The following CLCN3 variants were observed in gnomAD, a reference collection of about 807,000 sequenced individuals.
CLCN3 encodes the protein Cl-/H+ antiporter 3.
CLCN3 carries 16 observed loss-of-function variants against 83.4 expected under a neutral mutation model. The ratio of observed to expected loss-of-function variants is 0.19; its 90% confidence interval spans 0.13 to 0.29. CLCN3 has a LOEUF of 0.29. CLCN3 is among the 10% of genes least tolerant of loss of function. The pLI, the probability that CLCN3 is intolerant of heterozygous loss-of-function variation, is 1.00. For missense variants in CLCN3, 544 were observed against 1,006.0 expected (o/e 0.54, Z 6.21); for synonymous variants, 322 against 346.2 (o/e 0.93, Z 0.78).
Position 169,701,020 on chromosome 4 carries a change from C to T in CLCN3, c.1564-2978C>T, listed in dbSNP as rs572085663. ...CAGTGAAATTTGCCGCATTGATTGA[C>T]ACTGCCTTTCATGAAAGATTTCTCT... is the stretch of plus-strand genomic sequence containing the variant. On this transcript the variant is annotated intron_variant, in intron 9 of 12. Coordinates refer to ENST00000513761, the MANE Select transcript of CLCN3 (RefSeq NM_001829.4). Among the ~76,000 whole-genome samples the T allele has an allele frequency of 3.3e-5, 5 of 151,874 alleles. No homozygotes were observed. The South Asian group carries it at 1.0e-3, about 32-fold the overall frequency.
At chr4:169,715,129 G>A (rs1038445116) in intron 12 of CLCN3, among the ~76,000 whole-genome samples, 9 of 152,082 alleles carry the variant, frequency 5.9e-5, no homozygotes, top group South Asian at 2.1e-4. Flanking sequence ...GTTGAGTTAT[G>A]GTTAACTATG....
chr4:169,714,915 C>T (rs959122404), intron 12 of CLCN3, among the ~76,000 whole-genome samples: 8 of 151,940 alleles, frequency 5.3e-5, no homozygotes, highest in African/African-American at 1.4e-4. Flanking sequence ...ATGATGGCAC[C>T]GACTTCATTA....
At chr4:169,709,471 G>A (rs1050223605) in intron 11 of CLCN3, among the ~76,000 whole-genome samples, 115 of 152,036 alleles carry the variant, frequency 7.6e-4, no homozygotes, top group East Asian at 1.5e-3. Flanking sequence ...ATCACTTGAG[G>A]CCAGGAGTTT....
chr4:169,711,077 C>T (rs1039049381), intron 11 of CLCN3, among the ~76,000 whole-genome samples: 2 of 152,234 alleles, frequency 1.3e-5, no homozygotes, highest in East Asian at 1.9e-4. Context: ...AGTTTTAGAG[C>T]GTTATGAATT....
chr4:169,668,994 C>T (rs1339239134), intron 2 of CLCN3, among the ~76,000 whole-genome samples: 1 of 151,922 alleles, frequency 6.6e-6, no homozygotes, highest in Non-Finnish European at 1.5e-5. Flanking sequence ...GATACCTTCA[C>T]CAGGACTGCA....
chr4:169,661,317 A>G (rs10520160), intron 2 of CLCN3, among the ~76,000 whole-genome samples: 3,101 of 152,276 alleles, frequency 0.02, 47 homozygotes, highest in Non-Finnish European at 0.031. Flanking sequence ...ATTAGTTTGA[A>G]TTACTGCATG....
At chr4:169,679,971 TAATG>T in intron 2 of CLCN3, 75 bp from the exon 3 acceptor site, 1 of 1,105,970 alleles carries the variant, frequency 9.0e-7, no homozygotes, top group Admixed American at 1.8e-5. Flanking sequence ...TATGACTTAA[TAATG>T]AATTTCTAAG....
intron 1 of CLCN3, among the ~76,000 whole-genome samples, chr4:169,635,544 A>G (rs1345761991): frequency 6.6e-6 from 1 of 152,156 alleles, no homozygotes; most frequent in Non-Finnish European, 1.5e-5. Context: ...AAAATATTCA[A>G]AAGGGGCAGT....
intron 2 of CLCN3, among the ~76,000 whole-genome samples, chr4:169,666,281 A>G (rs567548783): frequency 6.6e-6 from 1 of 152,338 alleles, no homozygotes; most frequent in South Asian, 2.1e-4. Context: ...TGTCAGTGAG[A>G]AACATTTCTC....
chr4:169,703,961 G>T, intron 9 of CLCN3, 37 bp from the exon 10 acceptor site: 2 of 1,586,080 alleles, frequency 1.3e-6, no homozygotes, highest in Non-Finnish European at 1.7e-6. Flanking sequence ...GTGAGTAGAG[G>T]ATCTCTGCTC....
intron 6 of CLCN3, 103 bp downstream of exon 6, chr4:169,690,755 T>C: frequency 1.8e-6 from 2 of 1,140,830 alleles, no homozygotes; most frequent in Non-Finnish European, 2.4e-6. Context: ...GGGGATAGTT[T>C]GTTCATAATA....
At chr4:169,658,937 A>G (rs990765656) in intron 2 of CLCN3, among the ~76,000 whole-genome samples, 5 of 152,098 alleles carry the variant, frequency 3.3e-5, no homozygotes, top group Non-Finnish European at 7.4e-5. Flanking sequence ...AAGACCCTAA[A>G]TAAGTAAAAT....
At chr4:169,676,470 C>G (rs1339424214) in intron 2 of CLCN3, among the ~76,000 whole-genome samples, 1 of 151,724 alleles carries the variant, frequency 6.6e-6, no homozygotes, top group African/African-American at 2.4e-5. Context: ...TATCATATTT[C>G]TTACCCAGCC....
chr4:169,663,669 A>G, intron 2 of CLCN3: 4 of 421,544 alleles, frequency 9.5e-6, no homozygotes, highest in South Asian at 6.6e-5. Context: ...GTATGAAATT[A>G]TTTAAATCCT....
In CLCN3 at chr4:169,697,743, T is replaced by C; in HGVS notation, c.1563+9T>C. The C allele has an allele frequency of 2.5e-6, 4 of 1,570,456 alleles. No individual in the cohort carries two copies. The highest frequency in any genetic ancestry group is 1.2e-5 in the South Asian group (1 of 86,940). On this transcript the variant is annotated intron_variant, in intron 9 of 12. Coordinates refer to ENST00000513761, the MANE Select transcript of CLCN3 (RefSeq NM_001829.4). ...TCACTTTTGGCATCAAGGTAAGTGC[T>C]AATGTGAGGTGATATTTGGGTAATT...
At chr4:169,653,704 C>CTGGCA (rs1252117034) in intron 2 of CLCN3, among the ~76,000 whole-genome samples, 4 of 149,534 alleles carry the variant, frequency 2.7e-5, no homozygotes, top group African/African-American at 9.9e-5. Flanking sequence ...AAGCATAGTG[C>CTGGCA]TGGCATTTGC....
At chr4:169,711,936 C>A (rs1438052901) in intron 11 of CLCN3, among the ~76,000 whole-genome samples, 1 of 151,692 alleles carries the variant, frequency 6.6e-6, no homozygotes, top group Non-Finnish European at 1.5e-5. Context: ...ATGATCATGG[C>A]TGACTGCAGC....
At chr4:169,702,645 T>A (rs778185774) in intron 9 of CLCN3, 1 of 161,072 alleles carries the variant, frequency 6.2e-6, no homozygotes, top group Non-Finnish European at 1.4e-5. Flanking sequence ...TCACTTTATA[T>A]CAACAGCTAA....
At chr4:169,679,018 G>C (rs13147866) in intron 2 of CLCN3, among the ~76,000 whole-genome samples, 2,110 of 151,692 alleles carry the variant, frequency 0.014, 21 homozygotes, top group Non-Finnish European at 0.02. Flanking sequence ...CCTCCCAGAC[G>C]GGGCGGCTGC....
Sources: allele counts gnomAD v4.1 joint callset (sites outside exome capture counted in the v4.1 genomes callset), GRCh38; gene constraint gnomAD v4.1.1; transcripts MANE v1.5; gene names NCBI Gene and HGNC (gene_info 2026-07-23, HGNC 2026-07-21).